POU6F2: variants seen among roughly 807,000 people sequenced by gnomAD.
POU6F2 encodes POU domain, class 6, transcription factor 2.
Under a neutral mutation model 71.3 loss-of-function variants are expected in POU6F2, and 31 were observed. That is an observed-to-expected ratio of 0.43 (90% CI 0.33 to 0.59). The LOEUF (loss-of-function observed/expected upper bound fraction) is 0.59. Ranked by LOEUF, POU6F2 falls within the 20% of genes least tolerant of loss-of-function variation. The probability of loss-of-function intolerance (pLI) is 0.04; values close to 1 mark genes in which losing one functional copy is unlikely to be tolerated. For synonymous variants in POU6F2, 347 were observed against 355.7 expected, an observed-to-expected ratio of 0.98 and a Z score of 0.27; for missense variants, 783 against 856.8, an observed-to-expected ratio of 0.91 and a Z score of 1.07.
intron 2 of POU6F2, among the ~76,000 whole-genome samples, chr7:39,143,654 C>T (rs1486602385): frequency 6.6e-6 from 1 of 152,098 alleles, no homozygotes; most frequent in African/African-American, 2.4e-5. Context: ...ACTCCCAGAG[C>T]TGAGGTTTTT....
intron 1 of POU6F2, among the ~76,000 whole-genome samples, chr7:39,061,951 A>G (rs1790665548): frequency 6.6e-6 from 1 of 152,194 alleles, no homozygotes; most frequent in South Asian, 2.1e-4. Flanking sequence ...GCTTTTGTGC[A>G]CTTTCCAGTT....
At position 39,180,828 on chromosome 7, in the gene POU6F2, C is replaced by A. The variant is rs759875042; in HGVS notation, c.278-23407C>A. On this transcript the variant is annotated intron_variant, in intron 2 of 9. Coordinates refer to ENST00000518318, the MANE Select transcript of POU6F2 (RefSeq NM_001370959.1). ...TCCCTACCAGCTGCCCACTGCTGAC[C>A]CTCCTGCCAACCTTTTCCCTTTGCC... Among the ~76,000 whole-genome samples, 32 of 152,126 alleles carry A rather than the reference C, an allele frequency of 2.1e-4. 1 individual carries two copies. Among genetic ancestry groups the A allele is most frequent in the Non-Finnish European group, 4.3e-4 (29 of 68,034 alleles).
At chr7:39,168,003 AAT>A (rs1399851257) in intron 2 of POU6F2, among the ~76,000 whole-genome samples, 2 of 152,162 alleles carry the variant, frequency 1.3e-5, no homozygotes, top group Admixed American at 6.5e-5. Flanking sequence ...TATTTTTAAA[AAT>A]AGATATTTAA....
Position 39,460,689 on chromosome 7 carries a change from C to A in POU6F2, c.1632C>A (p.Pro544=). Residue 544 remains proline, a synonymous_variant, in exon 9 of 10, where the codon CCC becomes CCA. Transcript: ENST00000518318. The surrounding 1 kb of genome is among the most constrained non-coding windows in gnomAD (Gnocchi z 4.4). ...VGQALSATEG[P]AYSQSAICRH... ...AGGCTCTCAGTGCTACAGAGGGCCC[C>A]GCGTACAGCCAGTCGGCCATCTGCA... is the stretch of plus-strand genomic sequence containing the variant. The A allele has an allele frequency of 2.5e-6, 4 of 1,605,258 alleles. No homozygotes were observed. The highest frequency in any genetic ancestry group is 3.4e-6 in the Non-Finnish European group (4 of 1,175,518).
At position 39,015,998 on chromosome 7, in the gene POU6F2, A is replaced by ATATT. The variant is rs1420922884; in HGVS notation, c.105+37940_105+37941insTATT. The stretch of plus-strand genomic sequence containing the variant: ...TTATATATAGATATATATAATATAT[A>ATATT]GATATATATTATATATTATATATAT... On this transcript the variant is annotated intron_variant, in intron 1 of 9. Transcript: ENST00000518318. Among the ~76,000 whole-genome samples, 8 of 34,092 alleles carry ATATT rather than the reference A, an allele frequency of 2.3e-4. 1 individual carries two copies. Among genetic ancestry groups the ATATT allele is most frequent in the South Asian group, 1.2e-3 (1 of 804 alleles). The allele number at this position is 34,092 out of a possible 152,430, so 22.4% of individuals were successfully genotyped here. A position where few individuals can be genotyped will look rare whatever the true frequency, so the allele number is the denominator to read the frequency against.
intron 5 of POU6F2, among the ~76,000 whole-genome samples, chr7:39,361,154 G>A (rs1225573715): frequency 6.6e-6 from 1 of 152,174 alleles, no homozygotes; most frequent in African/African-American, 2.4e-5. Flanking sequence ...GTATTCAACT[G>A]TGCTCAGCCT....
intron 1 of POU6F2, among the ~76,000 whole-genome samples, chr7:39,064,450 T>G (rs1790718360): frequency 6.6e-6 from 1 of 151,506 alleles, no homozygotes; most frequent in South Asian, 2.1e-4. Flanking sequence ...TGGCAAAGAT[T>G]AATACAAACA....
chr7:39,043,094 G>T (rs890407389), intron 1 of POU6F2, among the ~76,000 whole-genome samples: 7 of 151,950 alleles, frequency 4.6e-5, no homozygotes, highest in Admixed American at 4.6e-4. Flanking sequence ...TCCCACAAAA[G>T]ACATCCTCCT....
At chr7:39,355,833 C>T (rs747007013) in intron 5 of POU6F2, among the ~76,000 whole-genome samples, 3 of 151,976 alleles carry the variant, frequency 2.0e-5, no homozygotes, top group Non-Finnish European at 4.4e-5. Flanking sequence ...AGTAGTCCCA[C>T]CAAAAATGAG....
intron 5 of POU6F2, among the ~76,000 whole-genome samples, chr7:39,367,620 G>T (rs1048042463): frequency 6.6e-6 from 1 of 152,080 alleles, no homozygotes; most frequent in Non-Finnish European, 1.5e-5. Flanking sequence ...GGTTTATATG[G>T]TACTGTCACA....
intron 6 of POU6F2, among the ~76,000 whole-genome samples, chr7:39,419,121 GTGTATA>G (rs1787783021): frequency 1.8e-4 from 24 of 131,772 alleles, no homozygotes; most frequent in Middle Eastern, 7.6e-3. Flanking sequence ...ACGTATATAT[GTGTATA>G]TATACACATA....
chr7:39,265,935 A>G (rs1487188073), intron 4 of POU6F2, among the ~76,000 whole-genome samples: 1 of 152,218 alleles, frequency 6.6e-6, no homozygotes, highest in East Asian at 1.9e-4. Context: ...ATTCTCCCTT[A>G]TCAGTTAAAG....
intron 4 of POU6F2, among the ~76,000 whole-genome samples, chr7:39,318,374 T>C (rs1331764968): frequency 2.6e-5 from 4 of 152,130 alleles, no homozygotes; most frequent in Admixed American, 2.0e-4. Context: ...AATCAGCATT[T>C]TTACAAGCAC....
At chr7:39,282,551 A>G (rs143452241) in intron 4 of POU6F2, among the ~76,000 whole-genome samples, 2,306 of 152,142 alleles carry the variant, frequency 0.015, 37 homozygotes, top group Non-Finnish European at 0.024. Flanking sequence ...CCTTTTCCCA[A>G]TATGTGTTCT....
chr7:38,991,582 C>G (rs956428098), intron 1 of POU6F2, among the ~76,000 whole-genome samples: 2 of 152,160 alleles, frequency 1.3e-5, no homozygotes, highest in Non-Finnish European at 2.9e-5. Flanking sequence ...CAATGTAATA[C>G]AGAATTGCTC....
intron 4 of POU6F2, among the ~76,000 whole-genome samples, chr7:39,208,163 A>T (rs1310315331): frequency 6.6e-6 from 1 of 152,238 alleles, no homozygotes; most frequent in African/African-American, 2.4e-5. Context: ...ATAGACTTGT[A>T]TGTTGAGCCT....
intron 2 of POU6F2, among the ~76,000 whole-genome samples, chr7:39,135,787 A>G (rs1336178581): frequency 1.3e-5 from 2 of 152,192 alleles, no homozygotes; most frequent in Non-Finnish European, 2.9e-5. Flanking sequence ...TCCAGTAAAT[A>G]CAATAAACCA....
intron 4 of POU6F2, among the ~76,000 whole-genome samples, chr7:39,270,844 A>G (rs921381177): frequency 6.6e-6 from 1 of 152,212 alleles, no homozygotes; most frequent in African/African-American, 2.4e-5. Flanking sequence ...TTAGTGACAT[A>G]ACTTCAATTC....
intron 4 of POU6F2, among the ~76,000 whole-genome samples, chr7:39,317,995 C>T (rs1785306603): frequency 6.6e-6 from 1 of 152,138 alleles, no homozygotes; most frequent in Non-Finnish European, 1.5e-5. Context: ...TTCTTCGCAG[C>T]CTGACTGTCT....
Sources: allele counts gnomAD v4.1 joint callset (sites outside exome capture counted in the v4.1 genomes callset), GRCh38; gene constraint gnomAD v4.1.1; non-coding constraint Gnocchi (gnomAD v3.1); transcripts MANE v1.5; gene names NCBI Gene and HGNC (gene_info 2026-07-23, HGNC 2026-07-21).